The following ECM1 variants were observed in gnomAD, a reference collection of about 807,000 sequenced individuals.
The protein encoded by ECM1 is extracellular matrix protein 1, also known as secretory component p85.
Under a neutral mutation model 57.9 loss-of-function variants are expected in ECM1, and 54 were observed. The observed-to-expected ratio is 0.93, with a 90% CI of 0.75 to 1.17. The LOEUF (loss-of-function observed/expected upper bound fraction) is 1.17, where lower values mean the gene tolerates loss of function less well. Among genes scored for constraint, ECM1 ranks in the 50% most tolerant of loss-of-function variants. ECM1 has a pLI of 0.00. For synonymous variants in ECM1, 237 were observed against 259.1 expected (o/e 0.91, Z 0.82); for missense variants, 649 against 688.1 (o/e 0.94, Z 0.64).
At chr1:150,513,009 T>C (rs1670485445) in intron 9 of ECM1, among the ~76,000 whole-genome samples, 197 bp downstream of exon 9, 1 of 152,200 alleles carries the variant, frequency 6.6e-6, no homozygotes, top group Non-Finnish European at 1.5e-5. Flanking sequence ...GTTCCTATTA[T>C]GCCTTCTCCG....
chr1:150,508,377 C>A, intron 1 of ECM1, 98 bp downstream of exon 1: 1 of 1,204,584 alleles, frequency 8.3e-7, no homozygotes, highest in Non-Finnish European at 1.2e-6. Flanking sequence ...CAGAGTGATT[C>A]TCCGTTTGGC....
Position 150,510,142 on chromosome 1 carries a change from A to G in ECM1, c.345A>G (p.Lys115=). ...CTCAGGAAGCTGTCCCCCTCCAAAA[A>G]GAGCTGCCCTCTCTCCAGCACCCCA... is the stretch of plus-strand genomic sequence containing the variant. The part of the protein sequence containing the change: ...PLPQEAVPLQ[K]ELPSLQHPNE... Residue 115 remains lysine (K), a synonymous_variant, in exon 5 of 10, where the codon AAA becomes AAG. Transcript: ENST00000369047. 2.5e-6 allele frequency: 4 copies of G among 1,614,008 alleles called. No homozygotes were observed. The East Asian group carries it at 6.7e-5, about 27-fold the overall frequency.
chr1:150,511,400 A>C lies in ECM1; in HGVS notation c.709-57A>C, dbSNP rs587662243. ...CTGCCTGCCCAGTGTCCTTTCCTGG[A>C]GCCTGGGAGGAAGGCAGGAATGTGG... is the stretch of plus-strand genomic sequence containing the variant. On this transcript the variant is annotated intron_variant, in intron 6 of 9. Transcript: ENST00000369047. The C allele has an allele frequency of 3.4e-5, 55 of 1,613,472 alleles. No individual in the cohort carries two copies. In the South Asian group the frequency reaches 5.9e-4, roughly 17 times the overall value.
Position 150,512,510 on chromosome 1 carries a change from C to T in ECM1, c.1242C>T (p.Ile414=), listed in dbSNP as rs200585596. The change falls in exon 8 of 10, where the codon ATC becomes ATT. Residue 414 remains isoleucine, a synonymous_variant. Coordinates refer to ENST00000369047, the MANE Select transcript of ECM1 (RefSeq NM_004425.4). ...NYDRDILTID[I]GRVTPNLMGH... The stretch of plus-strand genomic sequence containing the variant: ...ACCGGGACATCTTGACCATTGACAT[C>T]GGTCGAGTCACCCCCAACCTCATGG... 813 of 1,613,898 alleles carry T rather than the reference C, an allele frequency of 5.0e-4. 1 individual carries two copies. The highest frequency in any genetic ancestry group is 6.3e-4 in the Non-Finnish European group (739 of 1,179,994).
rs1242596474 is a variant in ECM1 at position 150,512,292 on chromosome 1, A to G, written c.1084-60A>G. 3 of 1,578,536 alleles carry G rather than the reference A, an allele frequency of 1.9e-6. No homozygotes were observed. The Admixed American group carries it at 5.1e-5, about 27-fold the overall frequency. Reference sequence around the variant, plus strand: ...TTGCCAGGGACGATAAGGGAAGTCGATGGTCAGGAGAGAAGGGGCCAAGTG... The same window carrying G: ...TTGCCAGGGACGATAAGGGAAGTCGGTGGTCAGGAGAGAAGGGGCCAAGTG... On this transcript the variant is annotated intron_variant, in intron 7 of 9. Transcript: ENST00000369047.
In ECM1 at chr1:150,508,192, G is replaced by A; in HGVS notation, c.-18G>A. The A allele has an allele frequency of 6.2e-7, 1 of 1,614,034 alleles. No homozygotes were observed. The highest frequency in any genetic ancestry group is 1.1e-5 in the South Asian group (1 of 91,084). On this transcript the variant is annotated 5_prime_UTR_variant, in exon 1 of 10. In the 5' UTR this introduces an upstream ATG that the reference lacks. Coordinates refer to ENST00000369047, the MANE Select transcript of ECM1 (RefSeq NM_004425.4). ...GAGAGGACCCACCTCTGAGTGTCCA[G>A]TGGTCAGTTGCCCCAGGATGGGGAC...
Position 150,512,738 on chromosome 1 carries a change from G to A in ECM1, c.1318G>A (p.Gly440Arg). 6.2e-7 allele frequency: 1 copy of A among 1,614,052 alleles called. No individual in the cohort carries two copies. The highest frequency in any genetic ancestry group is 8.5e-7 in the Non-Finnish European group (1 of 1,180,012). The change falls in exon 9 of 10, where the codon GGG becomes AGG. Residue 440 changes from glycine (G) to arginine (R), a missense_variant. Physicochemically the swap from Gly to Arg is moderately radical, Grantham distance 125 (BLOSUM62 -2). Coordinates refer to ENST00000369047, the MANE Select transcript of ECM1 (RefSeq NM_004425.4). ...ACACCAACATAGTAAACATATTCCT[G>A]GGCTGATCCACAACATGACTGCCCG... Reference protein sequence around the residue: ...RVLTKHKHIPGLIHNMTARCC... With the variant: ...RVLTKHKHIPRLIHNMTARCC...
rs587773455 is a variant in ECM1, at chr1:150,511,440, C to G, written c.709-17C>G. 1.4e-5 allele frequency: 23 copies of G among 1,614,020 alleles called. No homozygotes were observed. The East Asian group carries it at 4.2e-4, about 30-fold the overall frequency. On this transcript the variant is annotated splice_polypyrimidine_tract_variant and intron_variant, in intron 6 of 9. Transcript: ENST00000369047. ...CAGGAATGTGGAAAGTGGGCTGATCCTCCCCTCTTGCTCTAGTGGGAGGAA... is the reference window on the plus strand; with the variant it reads ...CAGGAATGTGGAAAGTGGGCTGATCGTCCCCTCTTGCTCTAGTGGGAGGAA...
Position 150,510,105 on chromosome 1 carries a change from G to A in ECM1, c.308G>A (p.Gly103Asp). The A allele has an allele frequency of 6.2e-7, 1 of 1,613,998 alleles. No individual in the cohort carries two copies. Among genetic ancestry groups the A allele is most frequent in the Non-Finnish European group, 8.5e-7 (1 of 1,179,922 alleles). Residue 103 changes from glycine to aspartate, a missense_variant, in exon 5 of 10, where the codon GGT (glycine) becomes GAT (aspartate). By Grantham distance (94) the Gly-to-Asp change is moderately conservative. Transcript: ENST00000369047. ...TGCCCTCACCCCTATCTTGCAGTGG[G>A]TCCCCCTCTCCCTCAGGAAGCTGTC... ...PAQLPAEKEV[G>D]PPLPQEAVPL...
chr1:150,512,691 GA>G lies in ECM1; in HGVS notation c.1305-33del. 1.9e-6 allele frequency: 3 copies of G among 1,613,006 alleles called. No homozygotes were observed. The South Asian group carries it at 3.3e-5, about 18-fold the overall frequency. On this transcript the variant is annotated intron_variant, in intron 8 of 9. Coordinates refer to ENST00000369047, the MANE Select transcript of ECM1 (RefSeq NM_004425.4). ...CATCTGATGCCAGAAGATGCCCAAA[GA>G]CCCTAACCCCTGCCCCTTTCACACC...
Position 150,513,620 on chromosome 1 carries a change from G to A in ECM1, c.*153G>A, listed in dbSNP as rs1560267868. On this transcript the variant is annotated 3_prime_UTR_variant, in exon 10 of 10. Transcript: ENST00000369047. ...TGTTTTAAGTGGATCTTGGTGCCCT[G>A]GCCCAGGAGGGCACTGGCGTTTTCA... 1.4e-6 allele frequency: 1 copy of A among 724,696 alleles called. No homozygotes were observed. Among genetic ancestry groups the A allele is most frequent in the Non-Finnish European group, 2.2e-6 (1 of 445,140 alleles). The allele number at this position is 724,696 out of a possible 1,614,324, so 44.9% of individuals were successfully genotyped here. A position where few individuals can be genotyped will look rare whatever the true frequency, so the allele number is the denominator to read the frequency against.
intron 3 of ECM1, 69 bp downstream of exon 3, chr1:150,509,831 T>A: frequency 1.2e-5 from 19 of 1,613,836 alleles, no homozygotes; most frequent in Non-Finnish European, 1.6e-5. Context: ...ATCCCACTTT[T>A]CAGGTGGAAA....
At position 150,509,612 on chromosome 1, in the gene ECM1, G is replaced by A. The variant is rs764466746; in HGVS notation, c.121+31G>A. The A allele has an allele frequency of 4.3e-6, 7 of 1,613,850 alleles. No individual in the cohort carries two copies. In the East Asian group the frequency reaches 1.6e-4, roughly 36 times the overall value. ...AGTTTGGGGGAGCAGCATGGGATTG[G>A]GACTCCAGGAGGCACTGTGGGCTCT... On this transcript the variant is annotated intron_variant, in intron 2 of 9. Transcript: ENST00000369047.
In ECM1 at chr1:150,511,044, G is replaced by A. The variant is rs367938525; in HGVS notation, c.554G>A (p.Arg185His). ...CTGAACCAAATCTGCCTTCCTAACC[G>A]TCAGCATGTGGTATATGGTCCCTGG... Reference protein sequence around the residue: ...DNLNQICLPNRQHVVYGPWNL... With the variant: ...DNLNQICLPNHQHVVYGPWNL... The change falls in exon 6 of 10, where the codon CGT becomes CAT. Residue 185 changes from arginine (R) to histidine (H), a missense_variant. Arg to His is a conservative substitution (Grantham distance 29). Transcript: ENST00000369047. 59 of 1,614,126 alleles carry A rather than the reference G, an allele frequency of 3.7e-5. No homozygotes were observed. In the Middle Eastern group the frequency reaches 4.9e-4, roughly 14 times the overall value.
chr1:150,509,071 C>T (rs1456234886), intron 1 of ECM1, among the ~76,000 whole-genome samples: 3 of 152,170 alleles, frequency 2.0e-5, no homozygotes, highest in Non-Finnish European at 4.4e-5. Flanking sequence ...TAACCAAAGG[C>T]CTAAAGATGT....
chr1:150,512,430 C>T lies in ECM1; in HGVS notation c.1162C>T (p.Pro388Ser). 1 of 1,613,746 alleles carries T rather than the reference C, an allele frequency of 6.2e-7. No homozygotes were observed. ...THHHLCCRHP[P>S]SPTRDECFAR... ...CCACCACTTGTGTTGCCGCCACCCT[C>T]CCAGCCCTACTCGGGATGAGTGCTT... Residue 388 changes from proline (P) to serine (S), a missense_variant, in exon 8 of 10, where the codon CCC becomes TCC. By Grantham distance (74) the Pro-to-Ser change is moderately conservative. Coordinates refer to ENST00000369047, the MANE Select transcript of ECM1 (RefSeq NM_004425.4).
intron 5 of ECM1, chr1:150,510,551 C>A: frequency 1.8e-6 from 1 of 548,692 alleles, no homozygotes; most frequent in Non-Finnish European, 3.3e-6. Flanking sequence ...ATCATCCATT[C>A]CATGCCGAGA....
chr1:150,509,778 C>T lies in ECM1; in HGVS notation c.223+16C>T, dbSNP rs1246470270. ...CAGAGTCAAGGTAAGGTCACCATCC[C>T]ATGCCCTCCTCAGTGACCCTCCAGG... On this transcript the variant is annotated intron_variant, in intron 3 of 9. Coordinates refer to ENST00000369047, the MANE Select transcript of ECM1 (RefSeq NM_004425.4). 1.2e-6 allele frequency: 2 copies of T among 1,613,392 alleles called. No homozygotes were observed. The highest frequency in any genetic ancestry group is 3.3e-5 in the Admixed American group (2 of 59,994).
At position 150,513,090 on chromosome 1, in the gene ECM1, T is replaced by A. The variant is rs12031973; in HGVS notation, c.1393-147T>A. 1,995 of 858,354 alleles carry A rather than the reference T, an allele frequency of 2.3e-3. 81 individuals are homozygous for A. The East Asian group carries it at 0.052, about 22-fold the overall frequency. 53.2% of individuals were successfully genotyped at this position (858,354 alleles called of 1,614,324 possible). ...CAAGGAATCCAGCTGTGCAAGGCAGTCTTGTACTCTCTCTGGGCCCCAGGA... is the reference window on the plus strand; with the variant it reads ...CAAGGAATCCAGCTGTGCAAGGCAGACTTGTACTCTCTCTGGGCCCCAGGA... On this transcript the variant is annotated intron_variant, in intron 9 of 9. Transcript: ENST00000369047.
Sources: gnomAD v4.1 joint callset for allele counts (sites outside exome capture counted in the v4.1 genomes callset) on GRCh38, gnomAD v4.1.1 for gene constraint, MANE v1.5 for transcripts, NCBI Gene and HGNC (gene_info 2026-07-23, HGNC 2026-07-21) for gene names.